WDPCP: variants seen among roughly 807,000 people sequenced by gnomAD.
The protein encoded by WDPCP is WD repeat containing planar cell polarity effector, also known as WD repeat-containing and planar cell polarity effector protein fritz homolog.
A neutral mutation model predicts 93.1 loss-of-function variants in WDPCP; 71 were observed. The observed-to-expected ratio is 0.76, with a 90% CI of 0.63 to 0.93. WDPCP has a LOEUF of 0.93. Ranked by LOEUF, WDPCP falls within the 40% of genes least tolerant of loss-of-function variation. The pLI is 0.00. For synonymous variants in WDPCP, 315 were observed against 315.0 expected (o/e 1.00, Z 0.00); for missense variants, 844 against 887.4 (o/e 0.95, Z 0.62).
intron 1 of WDPCP, among the ~76,000 whole-genome samples, chr2:63,549,911 T>C (rs1403797343): frequency 1.3e-5 from 2 of 152,064 alleles, no homozygotes; most frequent in African/African-American, 4.8e-5. Flanking sequence ...AGATGTGAAA[T>C]TTAGTTGTTT....
intron 13 of WDPCP, among the ~76,000 whole-genome samples, chr2:63,283,584 C>T (rs1250969624): frequency 6.6e-6 from 1 of 152,206 alleles, no homozygotes; most frequent in East Asian, 1.9e-4. Flanking sequence ...CTGTGGCCTG[C>T]AGAGCCTGAA....
chr2:63,401,253 A>C (rs545059830), intron 10 of WDPCP, among the ~76,000 whole-genome samples: 1 of 152,320 alleles, frequency 6.6e-6, no homozygotes, highest in African/African-American at 2.4e-5. Flanking sequence ...CCATCTAACA[A>C]AGGTCTAATA....
At chr2:63,340,942 G>A (rs577558432) in intron 12 of WDPCP, among the ~76,000 whole-genome samples, 9 of 152,180 alleles carry the variant, frequency 5.9e-5, no homozygotes, top group East Asian at 3.9e-4. Context: ...GCTGTACCCC[G>A]TAAGTTTCAC....
chr2:63,551,411 C>A (rs1382864756), intron 1 of WDPCP, among the ~76,000 whole-genome samples: 2 of 152,120 alleles, frequency 1.3e-5, no homozygotes, highest in African/African-American at 4.8e-5. Flanking sequence ...AGCAAGTTCT[C>A]ACTCTGAGTT....
chr2:63,159,884 T>G (rs1672530200), intron 15 of WDPCP, among the ~76,000 whole-genome samples: 1 of 152,134 alleles, frequency 6.6e-6, no homozygotes, highest in African/African-American at 2.4e-5. Context: ...TATAAACAAT[T>G]TAATGGGGTT....
At chr2:63,123,526 A>G (rs868135904) in intron 17 of WDPCP, among the ~76,000 whole-genome samples, 1 of 152,114 alleles carries the variant, frequency 6.6e-6, no homozygotes, top group South Asian at 2.1e-4. Flanking sequence ...TTAAAAAAAC[A>G]AAACAAAAAA....
intron 14 of WDPCP, among the ~76,000 whole-genome samples, chr2:63,255,232 C>T (rs1038030226): frequency 3.9e-5 from 6 of 151,932 alleles, no homozygotes; most frequent in African/African-American, 1.5e-4. Flanking sequence ...AAAATAATGC[C>T]GGTCACAACT....
At chr2:63,834,859 G>A in the WDPCP span, among the ~76,000 whole-genome samples, 4 of 152,172 alleles carry the variant, frequency 2.6e-5, no homozygotes, top group Middle Eastern at 3.2e-3. Flanking sequence ...CGTAGACATC[G>A]GATATTTTTC....
intron 2 of WDPCP, among the ~76,000 whole-genome samples, chr2:63,791,785 C>G (rs929211624): frequency 2.6e-5 from 4 of 152,124 alleles, no homozygotes; most frequent in African/African-American, 9.7e-5. Context: ...GATCCTAGCT[C>G]TGTCACTTAA....
intron 1 of WDPCP, among the ~76,000 whole-genome samples, chr2:63,542,807 A>G (rs752497521): frequency 7.2e-5 from 11 of 152,176 alleles, no homozygotes; most frequent in Non-Finnish European, 1.5e-4. Context: ...TATGTCCATG[A>G]GTCTGTGCAC....
rs111598389 is a variant in WDPCP at position 63,634,010 on chromosome 2, TG to T, written n.488+16648del. The stretch of plus-strand genomic sequence containing the variant: ...CTGGGAGGTGGAGGTTGCAGTGAGC[TG>T]AGATCACACCACTGCACTCCAGCAA... On this transcript the variant is annotated intron_variant and non_coding_transcript_variant, in intron 3 of 4. Transcript: ENST00000467687. Among the ~76,000 whole-genome samples the T allele has an allele frequency of 9.4e-3, 1,433 of 152,138 alleles. 21 individuals carry two copies. The highest frequency in any genetic ancestry group is 0.032 in the African/African-American group (1,317 of 41,502).
chr2:63,212,361 C>T (rs954572122), intron 14 of WDPCP, among the ~76,000 whole-genome samples: 4 of 152,086 alleles, frequency 2.6e-5, no homozygotes, highest in Non-Finnish European at 4.4e-5. Flanking sequence ...CATATCCAGC[C>T]AAAATAAGCT....
intron 15 of WDPCP, among the ~76,000 whole-genome samples, chr2:63,158,897 C>A (rs1270219896): frequency 7.2e-6 from 1 of 139,778 alleles, no homozygotes; most frequent in East Asian, 2.1e-4. Flanking sequence ...AGCACTCTGG[C>A]AGGCTGAGGT....
At chr2:63,454,367 G>A (rs1168701329) in intron 6 of WDPCP, among the ~76,000 whole-genome samples, 1 of 151,840 alleles carries the variant, frequency 6.6e-6, no homozygotes, top group Non-Finnish European at 1.5e-5. Flanking sequence ...GTGGGGGACT[G>A]AGGGAGGGAT....
At chr2:63,520,896 C>CAAAA (rs3051721) in intron 1 of WDPCP, among the ~76,000 whole-genome samples, 1 of 99,792 alleles carries the variant, frequency 1.0e-5, no homozygotes, top group African/African-American at 4.4e-5. Flanking sequence ...GACCCTATCT[C>CAAAA]AAAAAAAAAA....
At chr2:63,604,865 T>A in intron 3 of WDPCP, 1 of 1,614,092 alleles carries the variant, frequency 6.2e-7, no homozygotes, top group Admixed American at 1.7e-5. Context: ...AAGGGAGAAT[T>A]TGTCACGGTA....
chr2:63,263,180 G>GCTAT (rs1335505314), intron 13 of WDPCP, among the ~76,000 whole-genome samples: 9 of 152,098 alleles, frequency 5.9e-5, no homozygotes, highest in African/African-American at 2.2e-4. Context: ...CTCTCAAGTG[G>GCTAT]CTATCTTCTG....
intron 6 of WDPCP, among the ~76,000 whole-genome samples, chr2:63,443,384 AG>A (rs1279488691): frequency 6.6e-6 from 1 of 152,346 alleles, no homozygotes. Context: ...ATTTGAATAT[AG>A]ACTCAAATGA....
chr2:63,370,214 G>C (rs952289432), intron 12 of WDPCP, among the ~76,000 whole-genome samples: 1 of 152,058 alleles, frequency 6.6e-6, no homozygotes, highest in Non-Finnish European at 1.5e-5. Context: ...TATACCCATG[G>C]TATTCCTTCC....
Sources: gnomAD v4.1 joint callset for allele counts (sites outside exome capture counted in the v4.1 genomes callset) on GRCh38, gnomAD v4.1.1 for gene constraint, MANE v1.5 for transcripts, NCBI Gene and HGNC (gene_info 2026-07-23, HGNC 2026-07-21) for gene names.